ZNF438: variants seen among roughly 807,000 people sequenced by gnomAD.
The protein encoded by ZNF438 is zinc finger protein 438.
A neutral mutation model predicts 38.0 loss-of-function variants in ZNF438; 25 were observed. That is an observed-to-expected ratio of 0.66 (90% CI 0.48 to 0.92). The LOEUF is 0.92. Among genes scored for constraint, ZNF438 ranks in the 40% least tolerant of loss-of-function variants. The pLI is 0.00. For synonymous variants in ZNF438, 372 were observed against 364.1 expected (o/e 1.02, Z -0.25); for missense variants, 1,007 against 999.6 (o/e 1.01, Z -0.10).
chr10:30,904,396 A>G (rs1449833655), intron 3 of ZNF438, among the ~76,000 whole-genome samples: 2 of 152,126 alleles, frequency 1.3e-5, no homozygotes. Flanking sequence ...TTTATCTTGC[A>G]AAAAGCCTTC....
intron 4 of ZNF438, among the ~76,000 whole-genome samples, chr10:30,858,674 C>A (rs1446277204): frequency 6.6e-6 from 1 of 152,232 alleles, no homozygotes; most frequent in African/African-American, 2.4e-5. Context: ...TGTCTCAGAC[C>A]TAAGTTTCAG....
chr10:30,990,681 G>C (rs536338646), intron 1 of ZNF438, among the ~76,000 whole-genome samples: 3 of 128,402 alleles, frequency 2.3e-5, no homozygotes, highest in Non-Finnish European at 5.3e-5. Flanking sequence ...TCAGAGAAAC[G>C]TGTGGATCTA....
At chr10:31,024,121 A>G (rs2056787171) in intron 1 of ZNF438, among the ~76,000 whole-genome samples, 1 of 152,266 alleles carries the variant, frequency 6.6e-6, no homozygotes, top group Admixed American at 6.5e-5. Flanking sequence ...GAATTTATCC[A>G]GAAATTGTCA....
intron 4 of ZNF438, among the ~76,000 whole-genome samples, chr10:30,865,182 T>C (rs2036226151): frequency 6.6e-6 from 1 of 152,246 alleles, no homozygotes; most frequent in South Asian, 2.1e-4. Flanking sequence ...ACAACCTTTT[T>C]CCAATCACAG....
intron 1 of ZNF438, among the ~76,000 whole-genome samples, chr10:30,967,756 C>A (rs7901376): frequency 0.079 from 12,053 of 152,124 alleles, 563 homozygotes; most frequent in Non-Finnish European, 0.11. Context: ...AGGAGGTTCG[C>A]CTACAAGATC....
chr10:30,953,051 A>G (rs1447352133), intron 1 of ZNF438, among the ~76,000 whole-genome samples: 85 of 123,880 alleles, frequency 6.9e-4, no homozygotes, highest in East Asian at 1.8e-3. Context: ...GCACATATAC[A>G]CCATGGAATA....
intron 1 of ZNF438, among the ~76,000 whole-genome samples, chr10:30,962,763 T>A (rs2049636093): frequency 6.7e-6 from 1 of 149,868 alleles, no homozygotes; most frequent in Admixed American, 6.7e-5. Context: ...ACTGTGGATA[T>A]TCAGAGAAAC....
intron 1 of ZNF438, among the ~76,000 whole-genome samples, chr10:30,966,818 C>T (rs1482658865): frequency 1.3e-5 from 2 of 152,078 alleles, no homozygotes; most frequent in Non-Finnish European, 2.9e-5. Context: ...AATTCATCTA[C>T]CCACCCCCCT....
intron 2 of ZNF438, chr10:30,920,011 T>C (rs1179962269): frequency 6.6e-6 from 1 of 152,250 alleles, no homozygotes; most frequent in East Asian, 1.9e-4. Context: ...CAGACTGAGT[T>C]TGAGGCTCCT....
At chr10:30,926,847 T>C (rs2044996645) in intron 2 of ZNF438, among the ~76,000 whole-genome samples, 1 of 152,064 alleles carries the variant, frequency 6.6e-6, no homozygotes, top group South Asian at 2.1e-4. Context: ...AAAAGAAGAC[T>C]GAAAAAAACT....
At chr10:30,873,842 C>T (rs2037882180) in intron 4 of ZNF438, among the ~76,000 whole-genome samples, 1 of 152,060 alleles carries the variant, frequency 6.6e-6, no homozygotes, top group Admixed American at 6.6e-5. Context: ...GCATATTTTC[C>T]TTAATTTAAG....
At chr10:31,025,575 G>T (rs990446714) in intron 1 of ZNF438, among the ~76,000 whole-genome samples, 2 of 152,144 alleles carry the variant, frequency 1.3e-5, no homozygotes, top group African/African-American at 4.8e-5. Flanking sequence ...CTGTAGAATA[G>T]TAACAACTTG....
At chr10:30,989,658 T>C (rs2053257062) in intron 1 of ZNF438, among the ~76,000 whole-genome samples, 2 of 152,180 alleles carry the variant, frequency 1.3e-5, no homozygotes, top group South Asian at 4.1e-4. Flanking sequence ...TGCAAAAATA[T>C]GGATTTTAAT....
At chr10:30,939,140 C>G (rs1405900105) in intron 2 of ZNF438, among the ~76,000 whole-genome samples, 2 of 152,204 alleles carry the variant, frequency 1.3e-5, no homozygotes, top group African/African-American at 2.4e-5. Context: ...TAGCCCTTAG[C>G]ATTGACCACA....
At chr10:30,978,883 T>C (rs2051757047) in intron 1 of ZNF438, among the ~76,000 whole-genome samples, 1 of 152,232 alleles carries the variant, frequency 6.6e-6, no homozygotes, top group Admixed American at 6.5e-5. Context: ...GCTTCTCCTT[T>C]GAAGCTTTGA....
intron 2 of ZNF438, among the ~76,000 whole-genome samples, chr10:30,930,363 T>A (rs2135258096): frequency 6.6e-6 from 1 of 152,238 alleles, no homozygotes; most frequent in South Asian, 2.1e-4. Context: ...TGGGCTCACC[T>A]GGAACTCACA....
At chr10:31,001,653 T>C (rs78503140) in intron 1 of ZNF438, among the ~76,000 whole-genome samples, 1 of 152,240 alleles carries the variant, frequency 6.6e-6, no homozygotes, top group Admixed American at 6.5e-5. Context: ...GAAATTACAC[T>C]AAACATATCA....
chr10:30,902,335 C>T (rs1437794534), intron 3 of ZNF438, among the ~76,000 whole-genome samples: 1 of 151,234 alleles, frequency 6.6e-6, no homozygotes, highest in Non-Finnish European at 1.5e-5. Context: ...ACTAGATTAC[C>T]TAGATACAGA....
rs185221944 is a variant in ZNF438, at chr10:30,957,636, A to G, written c.-191-15985T>C. ...TGTCCTTTCCCCAATGTGTGCTCTT[A>G]GCATGTTCATCAATCAGCTGGCTGT... On this transcript the variant is annotated intron_variant, in intron 1 of 5. Transcript: ENST00000413025. Among the ~76,000 whole-genome samples the G allele has an allele frequency of 2.5e-3, 374 of 152,234 alleles. 1 individual carries two copies. The highest frequency in any genetic ancestry group is 8.5e-3 in the African/African-American group (352 of 41,540).
Sources: allele counts gnomAD v4.1 joint callset (sites outside exome capture counted in the v4.1 genomes callset), GRCh38; gene constraint gnomAD v4.1.1; transcripts MANE v1.5; gene names NCBI Gene and HGNC (gene_info 2026-07-23, HGNC 2026-07-21).